DTNBP1: variants seen among roughly 807,000 people sequenced by gnomAD.
DTNBP1 encodes dysbindin.
Under a neutral mutation model 42.8 loss-of-function variants are expected in DTNBP1, and 35 were observed. That is an observed-to-expected ratio of 0.82 (90% confidence interval 0.63 to 1.09). DTNBP1 has a LOEUF of 1.09. DTNBP1 is among the 50% of genes least tolerant of loss of function. The probability of loss-of-function intolerance (pLI) is 0.00; values close to 1 mark genes in which losing one functional copy is unlikely to be tolerated. For missense variants in DTNBP1, 457 were observed against 424.2 expected (o/e 1.08, Z -0.68); for synonymous variants, 171 against 162.2 (o/e 1.05, Z -0.41).
chr6:15,553,313 AAAGGTCCTGGATG>A (rs1206671082), intron 7 of DTNBP1, among the ~76,000 whole-genome samples: 9 of 151,914 alleles, frequency 5.9e-5, no homozygotes, highest in African/African-American at 1.5e-4. Flanking sequence ...AGCATACAAA[AAAGGTCCTGGATG>A]AAAATACAAG....
intron 8 of DTNBP1, among the ~76,000 whole-genome samples, chr6:15,528,018 G>A (rs7762368): frequency 0.13 from 20,515 of 152,150 alleles, 1,542 homozygotes; most frequent in East Asian, 0.26. Flanking sequence ...CATGAGACAC[G>A]TGCACTTGCA....
chr6:15,622,231 T>C (rs1234451678), intron 5 of DTNBP1, among the ~76,000 whole-genome samples: 1 of 152,128 alleles, frequency 6.6e-6, no homozygotes, highest in Non-Finnish European at 1.5e-5. Flanking sequence ...TAGAAAACAT[T>C]AAACAACATG....
Position 15,524,657 on chromosome 6 carries a change from C to T in DTNBP1, c.680G>A (p.Ser227Asn), listed in dbSNP as rs1344834082. ...CACGTTCACTTCCATGGATGACATG[C>T]TGCCTATGGGCTCTGCGGATAGATC... ...QIAERREPIGSMSSMEVNVDM... is the reference protein window; with the variant it reads ...QIAERREPIGNMSSMEVNVDM... Residue 227 changes from serine to asparagine, a missense_variant, in exon 9 of 10, where the codon AGC becomes AAC. Coordinates refer to ENST00000344537, the MANE Select transcript of DTNBP1 (RefSeq NM_032122.5). The T allele has an allele frequency of 6.2e-7, 1 of 1,613,264 alleles. No homozygotes were observed. Among genetic ancestry groups the T allele is most frequent in the Non-Finnish European group, 8.5e-7 (1 of 1,180,002 alleles).
At chr6:15,561,210 A>T (rs959722539) in intron 7 of DTNBP1, among the ~76,000 whole-genome samples, 2 of 152,184 alleles carry the variant, frequency 1.3e-5, no homozygotes, top group Non-Finnish European at 2.9e-5. Flanking sequence ...GTAATGTAAA[A>T]ATCTGGATCA....
intron 7 of DTNBP1, among the ~76,000 whole-genome samples, chr6:15,546,926 C>CTTTTTTTTTTTTTT (rs10711026): frequency 8.6e-6 from 1 of 116,172 alleles, no homozygotes. Context: ...TTCTTTCTTT[C>CTTTTTTTTTTTTTT]TTTTTTTTTT....
intron 6 of DTNBP1, among the ~76,000 whole-genome samples, chr6:15,593,566 A>G (rs1776384948): frequency 6.6e-6 from 1 of 152,210 alleles, no homozygotes; most frequent in Non-Finnish European, 1.5e-5. Flanking sequence ...AGTGCATATC[A>G]AAGGATTGAG....
At chr6:15,567,481 CAAACA>C (rs1409391321) in intron 7 of DTNBP1, among the ~76,000 whole-genome samples, 4 of 150,802 alleles carry the variant, frequency 2.7e-5, no homozygotes, top group African/African-American at 7.3e-5. Flanking sequence ...AACAAACAAA[CAAACA>C]AACAAACAAA....
At chr6:15,562,568 G>A (rs960183363) in intron 7 of DTNBP1, among the ~76,000 whole-genome samples, 2 of 152,118 alleles carry the variant, frequency 1.3e-5, no homozygotes, top group Non-Finnish European at 2.9e-5. Context: ...TGGAAGAGGA[G>A]GAAAGCAATG....
intron 7 of DTNBP1, among the ~76,000 whole-genome samples, chr6:15,554,246 T>G (rs1004421454): frequency 2.6e-5 from 4 of 152,048 alleles, no homozygotes; most frequent in Non-Finnish European, 5.9e-5. Context: ...TTTCTTCTTT[T>G]TCTTCTTCTT....
intron 1 of DTNBP1, chr6:15,660,435 C>G (rs1341519274): frequency 7.8e-7 from 1 of 1,289,780 alleles, no homozygotes; most frequent in African/African-American, 1.5e-5. Flanking sequence ...GGGAGACTGA[C>G]ATCACTTGGA....
intron 3 of DTNBP1, 149 bp downstream of exon 3, chr6:15,651,164 T>C: frequency 1.3e-6 from 1 of 769,430 alleles, no homozygotes; most frequent in Non-Finnish European, 2.2e-6. Context: ...GTGAAAGCCC[T>C]CAAGGAAAAT....
At chr6:15,601,864 G>GA (rs398000604) in intron 6 of DTNBP1, among the ~76,000 whole-genome samples, 21,389 of 127,590 alleles carry the variant, frequency 0.17, 2,280 homozygotes, top group African/African-American at 0.32. Flanking sequence ...AAAAGAAAAA[G>GA]AAAAAAAAAA....
At chr6:15,536,092 C>G (rs1397370851) in intron 7 of DTNBP1, among the ~76,000 whole-genome samples, 1 of 152,140 alleles carries the variant, frequency 6.6e-6, no homozygotes, top group Non-Finnish European at 1.5e-5. Context: ...TATGTGTTCA[C>G]AAGGAGATAG....
At position 15,579,422 on chromosome 6, in the gene DTNBP1, C is replaced by A. The variant is rs76659355; in HGVS notation, c.511+13637G>T. On this transcript the variant is annotated intron_variant, in intron 7 of 9. Transcript: ENST00000344537. ...TTAACCAGATGTTGGTTAACAAATA[C>A]AAAATTACAGAGAGGAGGAACAAGT... is the stretch of plus-strand genomic sequence containing the variant. Among the ~76,000 whole-genome samples, 1,052 of 152,272 alleles carry A rather than the reference C, an allele frequency of 6.9e-3. 17 individuals are homozygous for A. Among genetic ancestry groups the A allele is most frequent in the African/African-American group, 0.024 (1,002 of 41,552 alleles).
At chr6:15,611,883 C>A (rs1758426478) in intron 6 of DTNBP1, among the ~76,000 whole-genome samples, 1 of 152,146 alleles carries the variant, frequency 6.6e-6, no homozygotes, top group Non-Finnish European at 1.5e-5. Context: ...TGAGAAGAAA[C>A]CTACTTCTGG....
At chr6:15,603,009 A>C (rs186400444) in intron 6 of DTNBP1, among the ~76,000 whole-genome samples, 10 of 152,380 alleles carry the variant, frequency 6.6e-5, no homozygotes, top group Non-Finnish European at 7.4e-5. Flanking sequence ...ATTTACTGTC[A>C]ACCCAAGGAT....
At chr6:15,558,180 G>A (rs1774632130) in intron 7 of DTNBP1, among the ~76,000 whole-genome samples, 1 of 151,646 alleles carries the variant, frequency 6.6e-6, no homozygotes, top group Non-Finnish European at 1.5e-5. Flanking sequence ...TTTGATTATG[G>A]CTGCCCAAAG....
At chr6:15,527,014 C>A (rs899385373) in intron 8 of DTNBP1, among the ~76,000 whole-genome samples, 3 of 151,994 alleles carry the variant, frequency 2.0e-5, no homozygotes, top group African/African-American at 7.3e-5. Flanking sequence ...TATGGAGACA[C>A]AGAAACATGC....
intron 7 of DTNBP1, among the ~76,000 whole-genome samples, chr6:15,550,398 T>C (rs573530211): frequency 1.4e-4 from 22 of 152,310 alleles, no homozygotes; most frequent in Admixed American, 1.2e-3. Context: ...TGAATTTTGT[T>C]TCCCACAACA....
Sources: gnomAD v4.1 joint callset for allele counts (sites outside exome capture counted in the v4.1 genomes callset) on GRCh38, gnomAD v4.1.1 for gene constraint, MANE v1.5 for transcripts, NCBI Gene and HGNC (gene_info 2026-07-23, HGNC 2026-07-21) for gene names.